KANK1: variants seen among roughly 807,000 people sequenced by gnomAD.
KANK1 encodes KN motif and ankyrin repeat domain-containing protein 1.
KANK1 carries 109 observed loss-of-function variants against 106.2 expected under a neutral mutation model. The observed-to-expected ratio is 1.03, with a 90% confidence interval of 0.88 to 1.20. The LOEUF (loss-of-function observed/expected upper bound fraction) is 1.20, where lower values mean the gene tolerates loss of function less well. KANK1 is among the 50% of genes most tolerant of loss of function. KANK1 has a pLI of 0.00. For missense variants in KANK1, 2,399 were observed against 1,710.7 expected (o/e 1.40, Z -7.10); for synonymous variants, 873 against 652.2 (o/e 1.34, Z -5.16).
At position 517,850 on chromosome 9, in the gene KANK1, C is replaced by T. The variant is rs148235493; in HGVS notation, c.-84+13096C>T. Among the ~76,000 whole-genome samples the T allele has an allele frequency of 3.4e-4, 52 of 150,904 alleles. 1 individual carries two copies. The highest frequency in any genetic ancestry group is 1.4e-3 in the East Asian group (7 of 5,142). ...GCCTCCCAGGTTCAAGTAGTTCTCC[C>T]GCCTCAGCCTCCCAAGTAGCTGGAA... On this transcript the variant is annotated intron_variant, in intron 1 of 11. Transcript: ENST00000382297.
Position 627,726 on chromosome 9 carries a change from G to C in KANK1, c.-83-49164G>C, listed in dbSNP as rs376539705. Among the ~76,000 whole-genome samples, 97 of 152,330 alleles carry C rather than the reference G, an allele frequency of 6.4e-4. 2 individuals carry two copies. The South Asian group carries it at 0.02, about 31-fold the overall frequency. ...GGGGGACCAGAGGGTGGATGGGAGA[G>C]TGCTGTGTGCTTGTTTAATTAAGCA... is the stretch of plus-strand genomic sequence containing the variant. On this transcript the variant is annotated intron_variant, in intron 1 of 11. Transcript: ENST00000382297.
At chr9:584,752 A>G (rs572946343) in intron 1 of KANK1, among the ~76,000 whole-genome samples, 1 of 152,324 alleles carries the variant, frequency 6.6e-6, no homozygotes, top group South Asian at 2.1e-4. Flanking sequence ...AGTTATCTTC[A>G]GCTTTCAGGC....
intron 1 of KANK1, among the ~76,000 whole-genome samples, chr9:570,295 T>G (rs1818849009): frequency 6.6e-6 from 1 of 152,248 alleles, no homozygotes; most frequent in Non-Finnish European, 1.5e-5. Context: ...TTTGATGTCC[T>G]TAGTAAGCCC....
At chr9:541,725 T>C (rs1453167802) in intron 1 of KANK1, among the ~76,000 whole-genome samples, 3 of 152,130 alleles carry the variant, frequency 2.0e-5, no homozygotes, top group African/African-American at 7.2e-5. Context: ...ATACATCTGA[T>C]AAGGGGTTAA....
At chr9:645,826 C>G (rs1461577734) in intron 1 of KANK1, among the ~76,000 whole-genome samples, 2 of 150,726 alleles carry the variant, frequency 1.3e-5, no homozygotes, top group Non-Finnish European at 2.9e-5. Context: ...GAGCAAGACT[C>G]CATCTCAAAA....
intron 1 of KANK1, among the ~76,000 whole-genome samples, chr9:569,628 TTC>T (rs1359181693): frequency 6.6e-6 from 1 of 152,224 alleles, no homozygotes; most frequent in East Asian, 1.9e-4. Context: ...GTTTCAGGTA[TTC>T]TGTTATAAGC....
rs909211962 is a variant in KANK1 at position 622,806 on chromosome 9, G to A, written c.-83-54084G>A. 3.3e-5 allele frequency among the ~76,000 whole-genome samples: 5 copies of A among 152,110 alleles called. No homozygotes were observed. In the East Asian group the frequency reaches 7.7e-4, roughly 23 times the overall value. The stretch of plus-strand genomic sequence containing the variant: ...AATCCCAGCTAATCGGGAGGCTGAG[G>A]CAGGAGAATGGCTTGAACCTGGGAG... On this transcript the variant is annotated intron_variant, in intron 1 of 11. Coordinates refer to ENST00000382297, the MANE Select transcript of KANK1 (RefSeq NM_015158.5).
chr9:515,206 G>T (rs1483342837), intron 1 of KANK1, among the ~76,000 whole-genome samples: 1 of 151,416 alleles, frequency 6.6e-6, no homozygotes, highest in Admixed American at 6.6e-5. Context: ...TTAGCCAGGC[G>T]TGGTGGCGGG....
chr9:733,700 G>C (rs1277855091), intron 6 of KANK1: 3 of 152,150 alleles, frequency 2.0e-5, no homozygotes, highest in African/African-American at 7.2e-5. Context: ...TTGAACCCTG[G>C]AGGTTGAGGC....
At chr9:637,900 G>A (rs928572659) in intron 1 of KANK1, among the ~76,000 whole-genome samples, 2 of 152,146 alleles carry the variant, frequency 1.3e-5, no homozygotes, top group Admixed American at 1.3e-4. Context: ...GGGGTTGGTT[G>A]ATTCAGTGGT....
chr9:629,383 G>A (rs1835138058), intron 1 of KANK1, among the ~76,000 whole-genome samples: 1 of 152,070 alleles, frequency 6.6e-6, no homozygotes, highest in African/African-American at 2.4e-5. Flanking sequence ...GCCTAACTTG[G>A]TTTCTTGCTG....
rs540000321 is a variant in KANK1 at position 583,666 on chromosome 9, A to G, written c.-84+78912A>G. Among the ~76,000 whole-genome samples, 3 of 150,546 alleles carry G rather than the reference A, an allele frequency of 2.0e-5. No individual in the cohort carries two copies. In the South Asian group the frequency reaches 6.2e-4, roughly 31 times the overall value. ...CTGTTTTCTCTCCATTATCAAGGAT[A>G]TATGGATTAATATTAATATATAAAT... On this transcript the variant is annotated intron_variant, in intron 1 of 11. Transcript: ENST00000382297.
chr9:526,974 T>G (rs1362718506), intron 1 of KANK1, among the ~76,000 whole-genome samples: 3 of 151,846 alleles, frequency 2.0e-5, no homozygotes, highest in Non-Finnish European at 2.9e-5. Context: ...ATAGTATTAT[T>G]TAGACTGGAA....
At chr9:618,527 TGAA>T (rs886990774) in intron 1 of KANK1, among the ~76,000 whole-genome samples, 19 of 152,130 alleles carry the variant, frequency 1.2e-4, no homozygotes, top group African/African-American at 4.3e-4. Flanking sequence ...ATTTTTAAAA[TGAA>T]GAAACAGATA....
chr9:588,645 C>T (rs190839117), intron 1 of KANK1, among the ~76,000 whole-genome samples: 1 of 152,016 alleles, frequency 6.6e-6, no homozygotes, highest in Non-Finnish European at 1.5e-5. Context: ...TCCATATTAT[C>T]TCTTGCCTCT....
At chr9:673,863 T>C (rs1815806452) in intron 1 of KANK1, 2 of 152,210 alleles carry the variant, frequency 1.3e-5, no homozygotes, top group Middle Eastern at 3.4e-3. Flanking sequence ...CACACAAGGC[T>C]AGCAAGGGGC....
At chr9:555,917 A>G (rs1358519301) in intron 1 of KANK1, among the ~76,000 whole-genome samples, 1 of 152,224 alleles carries the variant, frequency 6.6e-6, no homozygotes, top group Non-Finnish European at 1.5e-5. Flanking sequence ...TGATGTTATA[A>G]TAACATCATT....
intron 2 of KANK1, among the ~76,000 whole-genome samples, chr9:694,096 G>A (rs1439422191): frequency 1.3e-5 from 2 of 152,102 alleles, no homozygotes; most frequent in African/African-American, 4.8e-5. Context: ...CCATCTTTGG[G>A]TATTTGTTTT....
Position 524,297 on chromosome 9 carries a change from T to C in KANK1, c.-84+19543T>C, listed in dbSNP as rs536057663. 5.9e-5 allele frequency among the ~76,000 whole-genome samples: 9 copies of C among 151,738 alleles called. No individual in the cohort carries two copies. The South Asian group carries it at 1.7e-3, about 28-fold the overall frequency. The stretch of plus-strand genomic sequence containing the variant: ...TACTTGATTAAGTCGTTCTGTAGTT[T>C]TTTGTTGTTTTTTTTTTCTTGACAA... On this transcript the variant is annotated intron_variant, in intron 1 of 11. Transcript: ENST00000382297.
Sources: allele counts gnomAD v4.1 joint callset (sites outside exome capture counted in the v4.1 genomes callset), GRCh38; gene constraint gnomAD v4.1.1; transcripts MANE v1.5; gene names NCBI Gene and HGNC (gene_info 2026-07-23, HGNC 2026-07-21).